Variants in KCNE1 observed in about 807,000 individuals in gnomAD.
KCNE1 encodes potassium voltage-gated channel subfamily E regulatory subunit 1, also known as potassium voltage-gated channel subfamily E member 1.
Under a neutral mutation model 2.9 loss-of-function variants are expected in KCNE1, and 1 was observed. The observed-to-expected ratio is 0.34, with a 90% confidence interval of 0.12 to 1.62. The LOEUF (loss-of-function observed/expected upper bound fraction) is 1.62, where lower values mean the gene tolerates loss of function less well. KCNE1 is among the 40% of genes most tolerant of loss of function. The probability of loss-of-function intolerance (pLI) is 0.36; values close to 1 mark genes in which losing one functional copy is unlikely to be tolerated. For missense variants in KCNE1, 45 were observed against 150.5 expected (o/e 0.30, Z 3.67); for synonymous variants, 23 against 65.4 (o/e 0.35, Z 3.13).
intron 2 of KCNE1, chr21:34,509,450 T>G (rs1465288539): frequency 6.6e-6 from 1 of 152,236 alleles, no homozygotes; most frequent in Admixed American, 6.5e-5. Flanking sequence ...CTTCTTTTTT[T>G]TTTTTAACTT....
At position 34,449,943 on chromosome 21, in the gene KCNE1, G is replaced by C. The variant is rs970143773; in HGVS notation, c.-50-259C>G. ...CCATCAGAATGAGCTTCTTTAATAT[G>C]CATTGCTGCATATTGTGGCGTATGG... On this transcript the variant is annotated intron_variant, in intron 3 of 3. Transcript: ENST00000399286. 5.9e-5 allele frequency among the ~76,000 whole-genome samples: 5 copies of C among 84,076 alleles called. 2 individuals carry two copies. Among genetic ancestry groups the C allele is most frequent in the African/African-American group, 2.1e-4 (5 of 23,724 alleles). 55.2% of individuals were successfully genotyped at this position (84,076 alleles called of 152,430 possible).
At position 34,502,813 on chromosome 21, in the gene KCNE1, C is replaced by T. The variant is rs115774149; in HGVS notation, c.-162+8288G>A. On this transcript the variant is annotated intron_variant, in intron 2 of 3. Coordinates refer to ENST00000399286, the MANE Select transcript of KCNE1 (RefSeq NM_000219.6). Reference sequence around the variant, plus strand: ...GGTAATGACACATGATCAGAGGTCACAACACTCTTTTTAAGTCACAGCAGT... The same window carrying T: ...GGTAATGACACATGATCAGAGGTCATAACACTCTTTTTAAGTCACAGCAGT... 3.2e-3 allele frequency among the ~76,000 whole-genome samples: 493 copies of T among 152,354 alleles called. 2 individuals are homozygous for T. The highest frequency in any genetic ancestry group is 0.011 in the African/African-American group (465 of 41,588).
chr21:34,505,447 T>C (rs1471477455), intron 2 of KCNE1, among the ~76,000 whole-genome samples: 1 of 145,786 alleles, frequency 6.9e-6, no homozygotes, highest in Non-Finnish European at 1.5e-5. Context: ...CTTGATCACC[T>C]TTTTTTTTTT....
intron 2 of KCNE1, among the ~76,000 whole-genome samples, chr21:34,507,395 C>T (rs1983563675): frequency 6.6e-6 from 1 of 152,126 alleles, no homozygotes; most frequent in African/African-American, 2.4e-5. Context: ...GGAAAACGCT[C>T]ATATGCAATT....
At chr21:34,509,235 G>A (rs1289879884) in intron 2 of KCNE1, among the ~76,000 whole-genome samples, 2 of 152,214 alleles carry the variant, frequency 1.3e-5, no homozygotes, top group African/African-American at 2.4e-5. Context: ...CCATTTCCTT[G>A]TGGTTGGAGG....
intron 2 of KCNE1, among the ~76,000 whole-genome samples, chr21:34,507,668 A>G (rs1983580325): frequency 6.6e-6 from 1 of 152,202 alleles, no homozygotes; most frequent in South Asian, 2.1e-4. Flanking sequence ...TGAGCAGGTC[A>G]CATTCAGCTT....
In KCNE1 at chr21:34,504,829, T is replaced by C. The variant is rs555427933; in HGVS notation, c.-162+6272A>G. Among the ~76,000 whole-genome samples the C allele has an allele frequency of 6.8e-4, 104 of 152,300 alleles. 3 individuals are homozygous for C. In the South Asian group the frequency reaches 0.022, roughly 32 times the overall value. ...CCTCCTGTTATGTGATTCATTCATATGAAAGTCCAGAATAGGGAAATCTAT... is the reference window on the plus strand; with the variant it reads ...CCTCCTGTTATGTGATTCATTCATACGAAAGTCCAGAATAGGGAAATCTAT... On this transcript the variant is annotated intron_variant, in intron 2 of 3. Transcript: ENST00000399286.
chr21:34,504,006 C>T (rs563415418), intron 2 of KCNE1, among the ~76,000 whole-genome samples: 2 of 152,192 alleles, frequency 1.3e-5, no homozygotes, highest in East Asian at 1.9e-4. Context: ...CCCCCATGTC[C>T]GGTCACACAG....
At chr21:34,508,776 TC>T (rs1281473221) in intron 2 of KCNE1, among the ~76,000 whole-genome samples, 21 of 152,184 alleles carry the variant, frequency 1.4e-4, no homozygotes, top group South Asian at 1.0e-3. Flanking sequence ...ACAGCTAGAG[TC>T]CCTTCTTCAC....
intron 2 of KCNE1, among the ~76,000 whole-genome samples, chr21:34,507,600 G>A (rs1034158415): frequency 1.2e-4 from 18 of 152,146 alleles, no homozygotes; most frequent in African/African-American, 2.4e-4. Context: ...GCTGAGGGAC[G>A]GGGTACCCCA....
chr21:34,504,338 G>T (rs1393232348), intron 2 of KCNE1, among the ~76,000 whole-genome samples: 2 of 152,204 alleles, frequency 1.3e-5, no homozygotes, highest in Non-Finnish European at 2.9e-5. Context: ...GACATCTCTA[G>T]TGATCAGGGA....
chr21:34,501,444 T>C (rs1983162231), intron 2 of KCNE1, among the ~76,000 whole-genome samples: 1 of 152,206 alleles, frequency 6.6e-6, no homozygotes, highest in African/African-American at 2.4e-5. Flanking sequence ...GTGGGGACAG[T>C]GACCCATCAG....
At chr21:34,501,083 G>C (rs189011773) in intron 2 of KCNE1, among the ~76,000 whole-genome samples, 1 of 152,314 alleles carries the variant, frequency 6.6e-6, no homozygotes, top group Non-Finnish European at 1.5e-5. Context: ...TTCAGCAAAA[G>C]TGGGATTAAG....
chr21:34,507,712 A>C (rs1187124079), intron 2 of KCNE1, among the ~76,000 whole-genome samples: 1 of 152,202 alleles, frequency 6.6e-6, no homozygotes, highest in Non-Finnish European at 1.5e-5. Context: ...GGTCCCCTGC[A>C]TTATAAGAAT....
chr21:34,496,639 T>G (rs1982828468), intron 2 of KCNE1, among the ~76,000 whole-genome samples: 1 of 152,214 alleles, frequency 6.6e-6, no homozygotes, highest in Admixed American at 6.5e-5. Flanking sequence ...ATTCTGCAGT[T>G]GTTGAGTAGA....
chr21:34,499,848 G>A (rs190500918), intron 2 of KCNE1, among the ~76,000 whole-genome samples: 6 of 152,302 alleles, frequency 3.9e-5, no homozygotes, highest in African/African-American at 7.2e-5. Flanking sequence ...TTCCTGGTAC[G>A]TTCCTGTGGT....
In KCNE1 at chr21:34,496,931, TAA is replaced by T. The variant is rs760589938; in HGVS notation, c.-162+14168_-162+14169del. Among the ~76,000 whole-genome samples, 14 of 152,334 alleles carry T rather than the reference TAA, an allele frequency of 9.2e-5. No homozygotes were observed. The South Asian group carries it at 2.1e-3, about 23-fold the overall frequency. ...TATATAATGTCCCCCTTTGTCTTTT[TAA>T]ATTGTTGTTGTGTTAAAGTCTGTTT... On this transcript the variant is annotated intron_variant, in intron 2 of 3. Transcript: ENST00000399286.
In KCNE1 at chr21:34,502,809, G is replaced by A. The variant is rs183845286; in HGVS notation, c.-162+8292C>T. 4.4e-3 allele frequency among the ~76,000 whole-genome samples: 674 copies of A among 152,318 alleles called. 2 individuals carry two copies. Among genetic ancestry groups the A allele is most frequent in the Non-Finnish European group, 6.3e-3 (427 of 68,026 alleles). ...GGCTGGTAATGACACATGATCAGAG[G>A]TCACAACACTCTTTTTAAGTCACAG... On this transcript the variant is annotated intron_variant, in intron 2 of 3. Transcript: ENST00000399286.
At chr21:34,495,663 G>A (rs1982761684) in intron 2 of KCNE1, among the ~76,000 whole-genome samples, 1 of 150,026 alleles carries the variant, frequency 6.7e-6, no homozygotes, top group South Asian at 2.1e-4. Context: ...GTTTGTGTGT[G>A]TAAAGGTATT....
Sources: allele counts gnomAD v4.1 joint callset (sites outside exome capture counted in the v4.1 genomes callset), GRCh38; gene constraint gnomAD v4.1.1; transcripts MANE v1.5; gene names NCBI Gene and HGNC (gene_info 2026-07-23, HGNC 2026-07-21).